Variants in CAMTA1 observed in about 807,000 individuals in gnomAD.
CAMTA1 encodes the protein calmodulin binding transcription activator 1.
A neutral mutation model predicts 170.9 loss-of-function variants in CAMTA1; 27 were observed. That is an observed-to-expected ratio of 0.16 (90% confidence interval 0.12 to 0.22). The LOEUF is 0.22. CAMTA1 is among the 10% of genes least tolerant of loss of function. The probability of loss-of-function intolerance (pLI) is 1.00; values close to 1 mark genes in which losing one functional copy is unlikely to be tolerated. For missense variants in CAMTA1, 1,619 were observed against 2,217.2 expected (o/e 0.73, Z 5.42); for synonymous variants, 833 against 891.5 (o/e 0.93, Z 1.17).
In CAMTA1 at chr1:7,270,682, C is replaced by T. The variant is rs141078736; in HGVS notation, c.438+21056C>T. Among the ~76,000 whole-genome samples the T allele has an allele frequency of 5.3e-5, 8 of 152,142 alleles. No individual in the cohort carries two copies. In the East Asian group the frequency reaches 1.5e-3, roughly 29 times the overall value. Reference sequence around the variant, plus strand: ...TATTTACATAAAGGAACGAGGAGCACTAGAAATGGTAAATATGGCTGGACA... The same window carrying T: ...TATTTACATAAAGGAACGAGGAGCATTAGAAATGGTAAATATGGCTGGACA... On this transcript the variant is annotated intron_variant, in intron 5 of 22. Coordinates refer to ENST00000303635, the MANE Select transcript of CAMTA1 (RefSeq NM_015215.4).
chr1:7,616,823 G>A (rs895867313), intron 6 of CAMTA1, among the ~76,000 whole-genome samples: 11 of 152,222 alleles, frequency 7.2e-5, no homozygotes, highest in Non-Finnish European at 1.5e-4. Flanking sequence ...GGCAAATAAA[G>A]TAATAAAACA....
chr1:7,742,509 C>T (rs1045419744), intron 16 of CAMTA1, among the ~76,000 whole-genome samples: 2 of 152,058 alleles, frequency 1.3e-5, no homozygotes, highest in African/African-American at 2.4e-5. Context: ...TACTAGGACA[C>T]GAAGAAAATT....
chr1:6,904,157 C>T (rs143576705), intron 3 of CAMTA1, among the ~76,000 whole-genome samples: 2 of 152,202 alleles, frequency 1.3e-5, no homozygotes, highest in African/African-American at 4.8e-5. Flanking sequence ...AGAAATCGTG[C>T]ATCTGCCTCC....
chr1:7,284,174 CTTCTTATTATTATTA>C (rs1429156223), intron 5 of CAMTA1, among the ~76,000 whole-genome samples: 257 of 108,026 alleles, frequency 2.4e-3, no homozygotes, highest in African/African-American at 7.1e-3. Flanking sequence ...TCTTCTTCTT[CTTCTTATTATTATTA>C]TTATTATTAT....
intron 1 of CAMTA1, among the ~76,000 whole-genome samples, chr1:6,803,809 G>C (rs1022974496): frequency 6.6e-6 from 1 of 152,108 alleles, no homozygotes; most frequent in African/African-American, 2.4e-5. Context: ...TGAATTCCTG[G>C]ACTCAAGTGA....
chr1:7,713,259 G>C (rs1173990302), intron 11 of CAMTA1, among the ~76,000 whole-genome samples: 1 of 152,214 alleles, frequency 6.6e-6, no homozygotes, highest in Non-Finnish European at 1.5e-5. Flanking sequence ...TTTTATTGGA[G>C]TCTGTGCTAG....
At chr1:7,098,876 G>A (rs1190324946) in intron 4 of CAMTA1, among the ~76,000 whole-genome samples, 1 of 152,056 alleles carries the variant, frequency 6.6e-6, no homozygotes, top group East Asian at 1.9e-4. Context: ...CATGTCCCTG[G>A]CACAAGAGCT....
chr1:7,277,441 A>G (rs1170327948), intron 5 of CAMTA1, among the ~76,000 whole-genome samples: 1 of 148,162 alleles, frequency 6.7e-6, no homozygotes, highest in Non-Finnish European at 1.5e-5. Flanking sequence ...AACTAAATTA[A>G]TCTTTCCAAG....
intron 3 of CAMTA1, among the ~76,000 whole-genome samples, chr1:6,864,184 T>C (rs1281396927): frequency 2.0e-5 from 3 of 152,242 alleles, no homozygotes; most frequent in Non-Finnish European, 4.4e-5. Flanking sequence ...ACTGACATTT[T>C]TGACACTTTC....
intron 5 of CAMTA1, among the ~76,000 whole-genome samples, chr1:7,347,416 G>C (rs561559259): frequency 2.6e-5 from 4 of 152,148 alleles, no homozygotes; most frequent in South Asian, 2.1e-4. Context: ...CCAGGGTCAC[G>C]GGCTTTGGCT....
At chr1:6,819,884 C>G (rs1646288186) in intron 1 of CAMTA1, among the ~76,000 whole-genome samples, 1 of 152,204 alleles carries the variant, frequency 6.6e-6, no homozygotes, top group Admixed American at 6.5e-5. Flanking sequence ...TTGCTGTTTG[C>G]CAGTTGATCC....
intron 3 of CAMTA1, among the ~76,000 whole-genome samples, chr1:6,997,949 G>A (rs1023506200): frequency 2.0e-5 from 3 of 151,826 alleles, no homozygotes; most frequent in African/African-American, 4.8e-5. Context: ...GTGAGCCACC[G>A]TGCCCAGCCT....
chr1:7,118,702 G>T (rs914342420), intron 4 of CAMTA1, among the ~76,000 whole-genome samples: 1 of 152,092 alleles, frequency 6.6e-6, no homozygotes, highest in Admixed American at 6.6e-5. Flanking sequence ...GTCCCGGTGC[G>T]CTAGATGAAT....
At position 7,091,345 on chromosome 1, in the gene CAMTA1, A is replaced by C. The variant is rs772486063; in HGVS notation, c.276A>C (p.Glu92Asp). 8 of 1,613,082 alleles carry C rather than the reference A, an allele frequency of 5.0e-6. No individual in the cohort carries two copies. The highest frequency in any genetic ancestry group is 2.5e-6 in the Non-Finnish European group (3 of 1,179,104). ...TAATAACATTTGAGAAACACGAAGA[A>C]TGGCTAACCACCTCCCCTAAGACAA... ...AYLITFEKHEEWLTTSPKTRP... is the reference protein window; with the variant it reads ...AYLITFEKHEDWLTTSPKTRP... The change falls in exon 4 of 23, where the codon GAA becomes GAC. Residue 92 changes from glutamate to aspartate, a missense_variant. Transcript: ENST00000303635.
intron 1 of CAMTA1, among the ~76,000 whole-genome samples, chr1:6,814,118 G>A (rs1645508246): frequency 6.6e-6 from 1 of 152,178 alleles, no homozygotes; most frequent in Admixed American, 6.5e-5. Flanking sequence ...TTTTGAGTAT[G>A]TTAGGAAAAT....
intron 5 of CAMTA1, among the ~76,000 whole-genome samples, chr1:7,327,126 C>T (rs1426504602): frequency 2.6e-5 from 4 of 151,834 alleles, no homozygotes; most frequent in African/African-American, 9.7e-5. Context: ...TTAAAAGAGA[C>T]CAGGAGGAGG....
intron 3 of CAMTA1, among the ~76,000 whole-genome samples, chr1:7,074,793 G>A (rs1412767120): frequency 3.3e-5 from 5 of 152,146 alleles, no homozygotes; most frequent in Admixed American, 2.0e-4. Flanking sequence ...ACATAGGAAC[G>A]ATCATTATTC....
chr1:7,372,217 C>T (rs2150063530), intron 5 of CAMTA1, among the ~76,000 whole-genome samples: 1 of 152,304 alleles, frequency 6.6e-6, no homozygotes, highest in Middle Eastern at 3.4e-3. Context: ...CGCCAGAGCC[C>T]ATCCTTGCCC....
chr1:7,140,598 GA>G (rs1645832344), intron 4 of CAMTA1, among the ~76,000 whole-genome samples: 1 of 152,092 alleles, frequency 6.6e-6, no homozygotes, highest in Non-Finnish European at 1.5e-5. Context: ...AAACACTGTG[GA>G]CAGCATCATC....
Sources: gnomAD v4.1 joint callset for allele counts (sites outside exome capture counted in the v4.1 genomes callset) on GRCh38, gnomAD v4.1.1 for gene constraint, MANE v1.5 for transcripts, NCBI Gene and HGNC (gene_info 2026-07-23, HGNC 2026-07-21) for gene names.